The following MYO3A variants were observed in gnomAD, a reference collection of about 807,000 sequenced individuals.
The protein encoded by MYO3A is myosin-IIIa.
MYO3A carries 180 observed loss-of-function variants against 192.7 expected under a neutral mutation model. The ratio of observed to expected loss-of-function variants is 0.93; its 90% CI spans 0.83 to 1.06. The LOEUF (loss-of-function observed/expected upper bound fraction) is 1.06. Ranked by LOEUF, MYO3A falls within the 50% of genes least tolerant of loss-of-function variation. The probability of loss-of-function intolerance (pLI) is 0.00; values close to 1 mark genes in which losing one functional copy is unlikely to be tolerated. For synonymous variants in MYO3A, 628 were observed against 645.3 expected (o/e 0.97, Z 0.41); for missense variants, 1,896 against 1,905.0 (o/e 1.00, Z 0.09).
chr10:25,941,085 A>G (rs1836458091), intron 2 of MYO3A, among the ~76,000 whole-genome samples: 2 of 152,234 alleles, frequency 1.3e-5, no homozygotes, highest in Admixed American at 1.3e-4. Flanking sequence ...ATAGTTCAAC[A>G]GAAGGAATTT....
At chr10:26,183,754 G>A (rs956613677) in intron 31 of MYO3A, among the ~76,000 whole-genome samples, 3 of 152,060 alleles carry the variant, frequency 2.0e-5, no homozygotes, top group African/African-American at 7.2e-5. Flanking sequence ...GGTGGCAGTT[G>A]CCTCTTGAGA....
At chr10:25,965,957 TTTTCTCTCTC>T (rs1838234475) in intron 4 of MYO3A, among the ~76,000 whole-genome samples, 1 of 148,470 alleles carries the variant, frequency 6.7e-6, no homozygotes, top group Admixed American at 6.6e-5. Context: ...CTGTTTTTTT[TTTTCTCTCTC>T]TCTCTCTCTC....
intron 26 of MYO3A, among the ~76,000 whole-genome samples, chr10:26,164,191 A>G (rs1841616381): frequency 6.6e-6 from 1 of 152,226 alleles, no homozygotes; most frequent in South Asian, 2.1e-4. Flanking sequence ...ACCGTCTTTC[A>G]ACTTATCAGC....
intron 9 of MYO3A, 35 bp from the exon 10 acceptor site, chr10:26,026,342 A>G: frequency 1.2e-6 from 2 of 1,611,450 alleles, no homozygotes; most frequent in Non-Finnish European, 1.7e-6. Flanking sequence ...ACTCTAACTT[A>G]TCTAATAATT....
intron 2 of MYO3A, among the ~76,000 whole-genome samples, chr10:25,944,094 GT>G (rs1331290494): frequency 6.6e-6 from 1 of 151,808 alleles, no homozygotes; most frequent in Non-Finnish European, 1.5e-5. Context: ...TTTGTTGAGT[GT>G]TTTTATTTTG....
intron 29 of MYO3A, 80 bp downstream of exon 29, chr10:26,170,619 C>A: frequency 1.4e-6 from 2 of 1,448,800 alleles, no homozygotes; most frequent in East Asian, 2.4e-5. Context: ...TGTTCACAGC[C>A]TTTCTTGTAC....
intron 17 of MYO3A, among the ~76,000 whole-genome samples, chr10:26,112,393 C>T (rs1463994499): frequency 1.3e-5 from 2 of 152,210 alleles, no homozygotes; most frequent in African/African-American, 2.4e-5. Flanking sequence ...TGAGCATTTA[C>T]TTCCTTTTTA....
chr10:25,974,351 G>A (rs560527277), intron 4 of MYO3A, among the ~76,000 whole-genome samples: 1 of 152,276 alleles, frequency 6.6e-6, no homozygotes, highest in African/African-American at 2.4e-5. Context: ...CCAGTCTGTG[G>A]TTAGCTTGTT....
At chr10:26,011,868 G>A (rs1177685580) in intron 6 of MYO3A, among the ~76,000 whole-genome samples, 1 of 152,160 alleles carries the variant, frequency 6.6e-6, no homozygotes, top group African/African-American at 2.4e-5. Context: ...CTAGCTAACT[G>A]AATCCAACAG....
intron 2 of MYO3A, among the ~76,000 whole-genome samples, chr10:25,938,937 G>T (rs960876142): frequency 2.6e-5 from 4 of 152,074 alleles, no homozygotes; most frequent in Admixed American, 2.6e-4. Flanking sequence ...AATAGATTTG[G>T]TCATTACATA....
At chr10:26,118,816 G>A (rs1425338535) in intron 17 of MYO3A, among the ~76,000 whole-genome samples, 1 of 151,980 alleles carries the variant, frequency 6.6e-6, no homozygotes, top group Non-Finnish European at 1.5e-5. Flanking sequence ...ATTTTTAGTA[G>A]AGATGGAGTT....
intron 15 of MYO3A, among the ~76,000 whole-genome samples, chr10:26,092,025 TC>T (rs1453489978): frequency 6.6e-6 from 1 of 152,224 alleles, no homozygotes; most frequent in Admixed American, 6.5e-5. Flanking sequence ...GGAAATGAGT[TC>T]ATCTGCTAAG....
chr10:26,159,423 A>G (rs1440676418), intron 26 of MYO3A, among the ~76,000 whole-genome samples: 1 of 146,928 alleles, frequency 6.8e-6, no homozygotes, highest in Non-Finnish European at 1.5e-5. Context: ...GCAGTGGCGC[A>G]ATCTTGGCTC....
intron 6 of MYO3A, among the ~76,000 whole-genome samples, chr10:26,010,436 T>C (rs1841556825): frequency 6.6e-6 from 1 of 150,784 alleles, no homozygotes; most frequent in African/African-American, 2.4e-5. Flanking sequence ...ATCCATGAGA[T>C]AGACTAAGTA....
At chr10:26,027,399 C>T (rs1048558080) in intron 10 of MYO3A, among the ~76,000 whole-genome samples, 1 of 152,026 alleles carries the variant, frequency 6.6e-6, no homozygotes, top group Non-Finnish European at 1.5e-5. Flanking sequence ...GGCTGGAGTG[C>T]AGTGGTGCCA....
At chr10:26,037,384 C>T (rs967895554) in intron 10 of MYO3A, among the ~76,000 whole-genome samples, 25 of 152,040 alleles carry the variant, frequency 1.6e-4, no homozygotes, top group Admixed American at 8.5e-4. Flanking sequence ...CACAATAGTG[C>T]GTTTAGCTAT....
chr10:26,065,079 T>G (rs1324009388), intron 10 of MYO3A, among the ~76,000 whole-genome samples: 1 of 151,998 alleles, frequency 6.6e-6, no homozygotes, highest in East Asian at 1.9e-4. Flanking sequence ...AAAAAGATAC[T>G]CAGACAGAGA....
intron 30 of MYO3A, among the ~76,000 whole-genome samples, chr10:26,175,411 T>C (rs1161084004): frequency 1.3e-5 from 2 of 152,218 alleles, no homozygotes; most frequent in Non-Finnish European, 2.9e-5. Flanking sequence ...CTGGATGATC[T>C]CTAAAATACA....
chr10:26,039,623 G>A (rs1843230774), intron 10 of MYO3A, among the ~76,000 whole-genome samples: 2 of 152,046 alleles, frequency 1.3e-5, no homozygotes, highest in South Asian at 4.1e-4. Context: ...TAGGTTGTAT[G>A]TGTCTGGGAA....
Sources: gnomAD v4.1 joint callset for allele counts (sites outside exome capture counted in the v4.1 genomes callset) on GRCh38, gnomAD v4.1.1 for gene constraint, MANE v1.5 for transcripts, NCBI Gene and HGNC (gene_info 2026-07-23, HGNC 2026-07-21) for gene names.